CREBBP: variants seen among roughly 807,000 people sequenced by gnomAD.
CREBBP encodes the protein CREB binding lysine acetyltransferase, also known as CREB-binding protein.
In CREBBP, 19 loss-of-function variants were observed where a neutral mutation model predicts 265.0. That is an observed-to-expected ratio of 0.07 (90% CI 0.05 to 0.11). CREBBP has a LOEUF of 0.11. Ranked by LOEUF, CREBBP falls within the 10% of genes least tolerant of loss-of-function variation. The pLI is 1.00. For synonymous variants in CREBBP, 1,457 were observed against 1,223.7 expected, an observed-to-expected ratio of 1.19 and a Z score of -3.98; for missense variants, 2,525 against 3,219.0, an observed-to-expected ratio of 0.78 and a Z score of 5.22.
At chr16:3,783,069 G>C in intron 5 of CREBBP, 143 bp from the exon 6 acceptor site, 1 of 1,151,466 alleles carries the variant, frequency 8.7e-7, no homozygotes, top group South Asian at 1.4e-5. Flanking sequence ...AACAAGCCTA[G>C]GGAGAAAGGA....
rs759165980 is a variant in CREBBP at position 3,879,949 on chromosome 16, G to A, written c.-33C>T. 3 of 1,595,138 alleles carry A rather than the reference G, an allele frequency of 1.9e-6. No individual in the cohort carries two copies. Among genetic ancestry groups the A allele is most frequent in the Non-Finnish European group, 2.6e-6 (3 of 1,170,308 alleles). ...TGCTCGCGAAAACAGCCCCGGGCAC[G>A]GGCGGCCGGGCCGGCGAGGGCCCGG... On this transcript the variant is annotated 5_prime_UTR_variant, in exon 1 of 31. Coordinates refer to ENST00000262367, the MANE Select transcript of CREBBP (RefSeq NM_004380.3).
chr16:3,759,405 G>A (rs1019723056), intron 16 of CREBBP, among the ~76,000 whole-genome samples: 2 of 152,064 alleles, frequency 1.3e-5, no homozygotes, highest in South Asian at 2.1e-4. Context: ...CCTGACCAAC[G>A]TAGTGAAACC....
intron 2 of CREBBP, among the ~76,000 whole-genome samples, chr16:3,822,970 C>T (rs1008476214): frequency 6.6e-6 from 1 of 152,106 alleles, no homozygotes; most frequent in African/African-American, 2.4e-5. Flanking sequence ...ACATAAGGAA[C>T]CGCTGGTACC....
At chr16:3,836,606 G>T (rs1172059842) in intron 2 of CREBBP, among the ~76,000 whole-genome samples, 2 of 152,006 alleles carry the variant, frequency 1.3e-5, no homozygotes, top group African/African-American at 4.8e-5. Context: ...ACAAATATAA[G>T]ATCTGTGCAT....
At chr16:3,774,795 A>G in intron 11 of CREBBP, 102 bp from the exon 12 acceptor site, 3 of 1,438,198 alleles carry the variant, frequency 2.1e-6, no homozygotes, top group Non-Finnish European at 2.9e-6. Flanking sequence ...TGGAACGCAC[A>G]GGCAACAGAA....
chr16:3,813,660 A>G (rs130045), intron 2 of CREBBP, among the ~76,000 whole-genome samples: 15,029 of 152,128 alleles, frequency 0.099, 2,158 homozygotes, highest in African/African-American at 0.32. Flanking sequence ...CAGAACACCC[A>G]CACTCATTTT....
At chr16:3,747,443 T>A (rs1239465183) in intron 21 of CREBBP, among the ~76,000 whole-genome samples, 1 of 152,180 alleles carries the variant, frequency 6.6e-6, no homozygotes, top group Non-Finnish European at 1.5e-5. Flanking sequence ...TCAATGTAAA[T>A]GTCATCTTGT....
At chr16:3,863,307 C>T (rs2055113685) in intron 1 of CREBBP, among the ~76,000 whole-genome samples, 5 of 152,082 alleles carry the variant, frequency 3.3e-5, no homozygotes, top group Admixed American at 2.6e-4. Context: ...ATTTAAAAAA[C>T]CCAAGCAAGA....
intron 1 of CREBBP, among the ~76,000 whole-genome samples, chr16:3,867,384 G>A (rs1454002353): frequency 2.0e-5 from 3 of 152,082 alleles, no homozygotes; most frequent in Non-Finnish European, 2.9e-5. Flanking sequence ...CCAAGCTACT[G>A]CGGAGGCTGA....
At position 3,735,952 on chromosome 16, in the gene CREBBP, AACAGTCG is replaced by A; in HGVS notation, c.4728+77_4728+83del. 3 of 1,611,406 alleles carry A rather than the reference AACAGTCG, an allele frequency of 1.9e-6. No individual in the cohort carries two copies. The South Asian group carries it at 3.3e-5, about 18-fold the overall frequency. On this transcript the variant is annotated intron_variant, in intron 28 of 30. Transcript: ENST00000262367. ...GGAGACACCACCACAGGAAGGACCT[AACAGTCG>A]ACACGCGCCTCCCAGCCTGCCACCC...
chr16:3,751,569 T>G (rs970155542), intron 20 of CREBBP, among the ~76,000 whole-genome samples, 157 bp downstream of exon 20: 3 of 152,154 alleles, frequency 2.0e-5, no homozygotes, highest in African/African-American at 7.2e-5. Context: ...ACCACCCAGG[T>G]GACAGAATGA....
intron 11 of CREBBP, among the ~76,000 whole-genome samples, chr16:3,775,873 T>G (rs1176923786): frequency 1.3e-5 from 2 of 151,566 alleles, no homozygotes; most frequent in African/African-American, 4.8e-5. Flanking sequence ...CAACACAGCA[T>G]CCAGCCACTT....
chr16:3,854,289 T>C (rs1306106505), intron 1 of CREBBP, among the ~76,000 whole-genome samples: 3 of 152,128 alleles, frequency 2.0e-5, no homozygotes, highest in East Asian at 1.9e-4. Context: ...CAGAAAGAAA[T>C]CTCCCTCCTC....
chr16:3,770,476 G>A (rs549483341), intron 14 of CREBBP, 94 bp downstream of exon 14: 2 of 1,406,396 alleles, frequency 1.4e-6, no homozygotes, highest in Non-Finnish European at 2.0e-6. Context: ...AATTATAGGT[G>A]TGAACCACCG....
At chr16:3,730,628 C>T (rs2051888741) in intron 30 of CREBBP, 1 of 163,282 alleles carries the variant, frequency 6.1e-6, no homozygotes, top group South Asian at 1.6e-4. Flanking sequence ...GGAAGAAAGG[C>T]CCTCGCTCTG....
intron 2 of CREBBP, among the ~76,000 whole-genome samples, chr16:3,842,233 C>T (rs2054578342): frequency 6.6e-6 from 1 of 152,142 alleles, no homozygotes; most frequent in South Asian, 2.1e-4. Flanking sequence ...AAAACAAATT[C>T]TTATCAACCT....
chr16:3,838,070 G>A (rs1411590111), intron 2 of CREBBP, among the ~76,000 whole-genome samples: 2 of 152,214 alleles, frequency 1.3e-5, no homozygotes, highest in Non-Finnish European at 2.9e-5. Context: ...ACAGGCTCAA[G>A]TGATCCTCCG....
intron 5 of CREBBP, among the ~76,000 whole-genome samples, chr16:3,783,936 A>G (rs2053330161): frequency 1.3e-5 from 2 of 152,176 alleles, no homozygotes; most frequent in African/African-American, 4.8e-5. Context: ...CCCACCTGTT[A>G]CCTGTTTGCC....
chr16:3,760,742 C>T (rs2052697796), intron 16 of CREBBP, among the ~76,000 whole-genome samples: 1 of 152,122 alleles, frequency 6.6e-6, no homozygotes, highest in Non-Finnish European at 1.5e-5. Context: ...GAGACAGAGT[C>T]TTGCTCCAAC....
Sources: gnomAD v4.1 joint callset for allele counts (sites outside exome capture counted in the v4.1 genomes callset) on GRCh38, gnomAD v4.1.1 for gene constraint, MANE v1.5 for transcripts, NCBI Gene and HGNC (gene_info 2026-07-23, HGNC 2026-07-21) for gene names.